The following ATM variants were observed in gnomAD, a reference collection of about 807,000 sequenced individuals.
ATM encodes serine-protein kinase ATM.
In ATM, 308 loss-of-function variants were observed where a neutral mutation model predicts 387.0. The observed-to-expected ratio is 0.80, with a 90% CI of 0.73 to 0.87. The LOEUF (loss-of-function observed/expected upper bound fraction) is 0.87. Among genes scored for constraint, ATM ranks in the 40% least tolerant of loss-of-function variants. ATM has a pLI of 0.00. For synonymous variants in ATM, 1,156 were observed against 1,187.3 expected, an observed-to-expected ratio of 0.97 and a Z score of 0.54; for missense variants, 3,312 against 3,560.9, an observed-to-expected ratio of 0.93 and a Z score of 1.78.
intron 5 of ATM, among the ~76,000 whole-genome samples, chr11:108,240,917 G>T (rs926388039): frequency 6.6e-6 from 1 of 151,960 alleles, no homozygotes; most frequent in Non-Finnish European, 1.5e-5. Flanking sequence ...TAAACTTTTT[G>T]ACTCTTTTGT....
At chr11:108,264,503 TGACA>T (rs2081101492) in intron 16 of ATM, among the ~76,000 whole-genome samples, 1 of 152,164 alleles carries the variant, frequency 6.6e-6, no homozygotes, top group East Asian at 1.9e-4. Context: ...GAGCTATCTA[TGACA>T]GTCCCACAGC....
chr11:108,255,079 A>C (rs1367542345), intron 13 of ATM, among the ~76,000 whole-genome samples: 1 of 152,178 alleles, frequency 6.6e-6, no homozygotes, highest in African/African-American at 2.4e-5. Flanking sequence ...ATAACTCTTA[A>C]ACATAAACTC....
At position 108,249,085 on chromosome 11, in the gene ATM, T is replaced by C. The variant is rs2135295378; in HGVS notation, c.1218T>C (p.Asp406=). 1 of 1,613,956 alleles carries C rather than the reference T, an allele frequency of 6.2e-7. No individual in the cohort carries two copies. The highest frequency in any genetic ancestry group is 8.5e-7 in the Non-Finnish European group (1 of 1,179,942). Residue 406 remains aspartate (D), a synonymous_variant, in exon 9 of 63, where the codon GAT becomes GAC. Transcript: ENST00000675843. The part of the protein sequence containing the change: ...IKDHLQKSQN[D]FDLVPWLQIA... Reference sequence around the variant, plus strand: ...ATCACCTTCAGAAGTCACAGAATGATTTTGATCTTGTGCCTTGGTAAAGTG... The same window carrying C: ...ATCACCTTCAGAAGTCACAGAATGACTTTGATCTTGTGCCTTGGTAAAGTG...
chr11:108,331,381 C>T, intron 50 of ATM, 63 bp from the exon 51 acceptor site: 1 of 1,563,724 alleles, frequency 6.4e-7, no homozygotes, highest in Non-Finnish European at 8.7e-7. Context: ...AACTTACTTG[C>T]TTAGATGTGA....
chr11:108,283,442 G>A (rs1197114073), intron 25 of ATM, among the ~76,000 whole-genome samples: 1 of 152,186 alleles, frequency 6.6e-6, no homozygotes, highest in Non-Finnish European at 1.5e-5. Context: ...TGATGGGAAG[G>A]CATCTCATAT....
At chr11:108,259,125 A>G in intron 16 of ATM, 50 bp downstream of exon 16, 1 of 1,440,476 alleles carries the variant, frequency 6.9e-7, no homozygotes, top group Non-Finnish European at 9.7e-7. Flanking sequence ...AATAGGCATA[A>G]TTTTTTTGTT....
At chr11:108,335,823 T>C (rs2086775947) in intron 55 of ATM, 22 bp from the exon 56 acceptor site, 7 of 1,584,208 alleles carry the variant, frequency 4.4e-6, no homozygotes, top group Non-Finnish European at 6.1e-6. Flanking sequence ...TACTTGTTTA[T>C]TCATGCTTAA....
In ATM at chr11:108,270,393, A is replaced by G. The variant is rs183801715; in HGVS notation, c.2839-671A>G. ...AATCTTGCTCAAGCTCTTAACTGCA[A>G]CAGTGGTAATAATGATCATTTATTG... On this transcript the variant is annotated intron_variant, in intron 18 of 62. Coordinates refer to ENST00000675843, the MANE Select transcript of ATM (RefSeq NM_000051.4). Among the ~76,000 whole-genome samples the G allele has an allele frequency of 1.8e-3, 275 of 152,344 alleles. 2 individuals are homozygous for G. Among genetic ancestry groups the G allele is most frequent in the African/African-American group, 6.4e-3 (265 of 41,578 alleles).
chr11:108,347,451 T>C, intron 59 of ATM, 86 bp downstream of exon 59: 1 of 1,113,818 alleles, frequency 9.0e-7, no homozygotes, highest in Non-Finnish European at 1.3e-6. Context: ...ATATTACAAA[T>C]ATAAGAGACA....
intron 29 of ATM, among the ~76,000 whole-genome samples, chr11:108,291,982 G>A (rs1021475658): frequency 1.3e-5 from 2 of 152,152 alleles, no homozygotes; most frequent in African/African-American, 2.4e-5. Flanking sequence ...GCAGCCTCTT[G>A]TATGTCTCAA....
intron 61 of ATM, chr11:108,355,180 GT>G (rs2089749317): frequency 3.0e-6 from 1 of 338,798 alleles, no homozygotes; most frequent in Non-Finnish European, 5.5e-6. Context: ...TTTCAGAATG[GT>G]TTCCATTAGG....
chr11:108,362,573 G>C (rs2090897993), intron 61 of ATM, among the ~76,000 whole-genome samples: 1 of 149,906 alleles, frequency 6.7e-6, no homozygotes, highest in Admixed American at 6.7e-5. Context: ...TGATAGACTG[G>C]ATTAAGAAAA....
intron 59 of ATM, among the ~76,000 whole-genome samples, chr11:108,348,222 GTATA>G (rs1286571838): frequency 1.3e-5 from 2 of 150,654 alleles, no homozygotes; most frequent in Admixed American, 6.6e-5. Flanking sequence ...TAGCTTCTAT[GTATA>G]TATATAGACA....
chr11:108,271,177 C>G, intron 19 of ATM, 31 bp downstream of exon 19: 1 of 1,612,770 alleles, frequency 6.2e-7, no homozygotes, highest in East Asian at 2.2e-5. Flanking sequence ...GTTATGTTCA[C>G]TTTAAAGTTA....
At position 108,315,469 on chromosome 11, in the gene ATM, TG is replaced by T. The variant is rs1261364435; in HGVS notation, c.6007-353del. The stretch of plus-strand genomic sequence containing the variant: ...TATCAAATGTATACAAATGATGGAA[TG>T]TGTAGACTAGTTGTACATTTATTTT... On this transcript the variant is annotated intron_variant, in intron 40 of 62. Transcript: ENST00000675843. Among the ~76,000 whole-genome samples the T allele has an allele frequency of 2.0e-5, 3 of 152,346 alleles. No homozygotes were observed. The East Asian group carries it at 5.8e-4, about 29-fold the overall frequency.
Position 108,258,872 on chromosome 11 carries a change from C to G in ATM, c.2377-114C>G, listed in dbSNP as rs2234993. The stretch of plus-strand genomic sequence containing the variant: ...GTTTTTGAAGCAGCATATATATTGG[C>G]CCTAATAGTAAACTATTTATCTACA... On this transcript the variant is annotated intron_variant, in intron 15 of 62. Transcript: ENST00000675843. 4,365 of 775,820 alleles carry G rather than the reference C, an allele frequency of 5.6e-3. 18 individuals carry two copies. Among genetic ancestry groups the G allele is most frequent in the African/African-American group, 7.9e-3 (460 of 58,254 alleles). The allele number at this position is 775,820 out of a possible 1,614,324, so 48.1% of individuals were successfully genotyped here. A position where few individuals can be genotyped will look rare whatever the true frequency, so the allele number is the denominator to read the frequency against.
chr11:108,344,890 G>C (rs921363570), intron 57 of ATM, among the ~76,000 whole-genome samples: 1 of 151,982 alleles, frequency 6.6e-6, no homozygotes, highest in African/African-American at 2.4e-5. Flanking sequence ...TGTAATCCCA[G>C]CTACTCAAGA....
chr11:108,282,530 G>A (rs188623207), intron 24 of ATM, among the ~76,000 whole-genome samples, 180 bp from the exon 25 acceptor site: 1 of 152,296 alleles, frequency 6.6e-6, no homozygotes, highest in East Asian at 1.9e-4. Flanking sequence ...TTTGCTATGT[G>A]TCAGATACTG....
chr11:108,362,710 A>G (rs1486920059), intron 61 of ATM, among the ~76,000 whole-genome samples: 39 of 146,880 alleles, frequency 2.7e-4, no homozygotes, highest in African/African-American at 9.3e-4. Flanking sequence ...CAAAAAACCA[A>G]ACACCGCATA....
Sources: gnomAD v4.1 joint callset for allele counts (sites outside exome capture counted in the v4.1 genomes callset) on GRCh38, gnomAD v4.1.1 for gene constraint, MANE v1.5 for transcripts, NCBI Gene and HGNC (gene_info 2026-07-23, HGNC 2026-07-21) for gene names.